Variants in LDB1 observed in about 807,000 individuals in gnomAD.
LDB1 encodes LIM domain binding 1.
A neutral mutation model predicts 49.7 loss-of-function variants in LDB1; 6 were observed. That is an observed-to-expected ratio of 0.12 (90% CI 0.07 to 0.24). LDB1 has a LOEUF of 0.24. LDB1 is among the 10% of genes least tolerant of loss of function. The probability of loss-of-function intolerance (pLI) is 1.00; values close to 1 mark genes in which losing one functional copy is unlikely to be tolerated. For missense variants in LDB1, 341 were observed against 561.7 expected (o/e 0.61, Z 3.97); for synonymous variants, 233 against 202.0 (o/e 1.15, Z -1.30).
chr10:102,110,139 T>C, intron 6 of LDB1, 96 bp from the exon 7 acceptor site: 2 of 1,370,526 alleles, frequency 1.5e-6, no homozygotes, highest in East Asian at 2.4e-5. Flanking sequence ...ACTCTCCCAT[T>C]GCATACACTT....
chr10:102,104,941 G>T (rs2068143742), downstream of LDB1, among the ~76,000 whole-genome samples: 1 of 152,100 alleles, frequency 6.6e-6, no homozygotes, highest in African/African-American at 2.4e-5. Context: ...CCTAGAATGG[G>T]CCTAGTACCT....
chr10:102,119,059 T>C (rs910488794), intron 1 of LDB1, among the ~76,000 whole-genome samples: 5 of 152,302 alleles, frequency 3.3e-5, no homozygotes, highest in African/African-American at 1.2e-4. Flanking sequence ...GCAGCTTCCC[T>C]TGGGGATTTG....
chr10:102,120,145 T>A lies in LDB1; in HGVS notation c.-35A>T. 1.2e-5 allele frequency: 15 copies of A among 1,299,988 alleles called. No individual in the cohort carries two copies. The highest frequency in any genetic ancestry group is 1.5e-5 in the Non-Finnish European group (15 of 1,012,902). The allele number at this position is 1,299,988 out of a possible 1,614,324, so 80.5% of individuals were successfully genotyped here. On this transcript the variant is annotated 5_prime_UTR_variant, in exon 1 of 11. Coordinates refer to ENST00000673968, the MANE Select transcript of LDB1 (RefSeq NM_001113407.3). ...GCCCGCCTCTGGGGGCCCAGCCGAG[T>A]CACGGTGCCCGCCCCTCGCGGGGAC... is the stretch of plus-strand genomic sequence containing the variant.
At chr10:102,104,027 A>T (rs2068136989), downstream of LDB1, among the ~76,000 whole-genome samples, 1 of 151,326 alleles carries the variant, frequency 6.6e-6, no homozygotes, top group Non-Finnish European at 1.5e-5. Flanking sequence ...ATGCCACTAC[A>T]CTCCAGCCTG....
chr10:102,108,057 G>A lies in LDB1; in HGVS notation c.*36C>T, dbSNP rs1300975601. The stretch of plus-strand genomic sequence containing the variant: ...CCCTGGGGCTGTGAGGGGTGGGGCA[G>A]GTAGGCAGAGCACTGGGTGGCCACA... On this transcript the variant is annotated 3_prime_UTR_variant, in exon 11 of 11. Transcript: ENST00000673968. 23 of 1,500,116 alleles carry A rather than the reference G, an allele frequency of 1.5e-5. No individual in the cohort carries two copies. Among genetic ancestry groups the A allele is most frequent in the Middle Eastern group, 1.7e-4 (1 of 5,844 alleles). 92.9% of individuals were successfully genotyped at this position (1,500,116 alleles called of 1,614,324 possible).
In LDB1 at chr10:102,106,980, G is replaced by T. The variant is rs2068171125; in HGVS notation, c.*1113C>A. 6.6e-6 allele frequency among the ~76,000 whole-genome samples: 1 copy of T among 152,126 alleles called. No individual in the cohort carries two copies. Among genetic ancestry groups the T allele is most frequent in the Admixed American group, 6.6e-5 (1 of 15,260 alleles). On this transcript the variant is annotated 3_prime_UTR_variant, in exon 11 of 11. Transcript: ENST00000673968. ...GCTTAGAACTGGGATGTCATCTGTGGCTCCTTCCCCTCTATGAAGGACAGA... is the reference window on the plus strand; with the variant it reads ...GCTTAGAACTGGGATGTCATCTGTGTCTCCTTCCCCTCTATGAAGGACAGA...
chr10:102,110,120 T>C, intron 6 of LDB1, 77 bp from the exon 7 acceptor site: 4 of 1,499,960 alleles, frequency 2.7e-6, no homozygotes, highest in Non-Finnish European at 3.6e-6. Flanking sequence ...AGTCTCCCAT[T>C]TGCTTACAAC....
intron 6 of LDB1, 134 bp from the exon 7 acceptor site, chr10:102,110,177 CATAA>C (rs1417256290): frequency 1.0e-6 from 1 of 989,472 alleles, no homozygotes; most frequent in Non-Finnish European, 1.5e-6. Context: ...AATCTGGGTG[CATAA>C]ATGTCACAGT....
downstream of LDB1, among the ~76,000 whole-genome samples, chr10:102,103,295 T>C (rs575346687): frequency 4.0e-5 from 6 of 151,718 alleles, no homozygotes; most frequent in Admixed American, 3.9e-4. Flanking sequence ...CCAAAATTGT[T>C]GGGAGTACAG....
intron 1 of LDB1, among the ~76,000 whole-genome samples, chr10:102,118,362 A>T (rs118026846): frequency 2.6e-5 from 4 of 152,292 alleles, no homozygotes; most frequent in Non-Finnish European, 5.9e-5. Flanking sequence ...TCCCTCAGTC[A>T]GACCACCAGA....
chr10:102,105,583 T>G (rs368524723), downstream of LDB1, among the ~76,000 whole-genome samples: 37 of 152,042 alleles, frequency 2.4e-4, 1 homozygote, highest in East Asian at 1.4e-3. Flanking sequence ...GGGGTCTCCA[T>G]ATCTTCCCAG....
chr10:102,114,614 G>A, intron 1 of LDB1: 2 of 985,378 alleles, frequency 2.0e-6, no homozygotes, highest in Non-Finnish European at 2.4e-6. Context: ...CGCTGTCCCG[G>A]GGGAAAGTTA....
chr10:102,107,837 GAGGCCC>G lies in LDB1; in HGVS notation c.*250_*255del. 1.8e-6 allele frequency: 1 copy of G among 558,234 alleles called. No individual in the cohort carries two copies. Among genetic ancestry groups the G allele is most frequent in the Non-Finnish European group, 3.2e-6 (1 of 311,466 alleles). 34.6% of individuals were successfully genotyped at this position (558,234 alleles called of 1,614,324 possible). ...TGGGGGGTGGTCAGGACATGTCTCAGAGGCCCAGGTTCCAAGTAGGCATCCACATGA... is the reference window on the plus strand; with the variant it reads ...TGGGGGGTGGTCAGGACATGTCTCAGAGGTTCCAAGTAGGCATCCACATGA... On this transcript the variant is annotated 3_prime_UTR_variant, in exon 11 of 11. Transcript: ENST00000673968.
chr10:102,114,831 G>A lies in LDB1; in HGVS notation c.26-3295C>T. ...CGAGCAGCCCGCCCGCCCTCCCCAG[G>A]CCACCGGGCCCCTCTGCTGGGGGCA... On this transcript the variant is annotated intron_variant, in intron 1 of 10. Coordinates refer to ENST00000673968, the MANE Select transcript of LDB1 (RefSeq NM_001113407.3). 1.5e-5 allele frequency: 4 copies of A among 269,048 alleles called. No individual in the cohort carries two copies. The South Asian group carries it at 4.7e-4, about 31-fold the overall frequency. The allele number at this position is 269,048 out of a possible 1,614,324, so 16.7% of individuals were successfully genotyped here.
At chr10:102,115,833 T>C (rs1050963032) in intron 1 of LDB1, among the ~76,000 whole-genome samples, 2 of 152,126 alleles carry the variant, frequency 1.3e-5, no homozygotes, top group Non-Finnish European at 2.9e-5. Context: ...AATTTTGTTG[T>C]AGCAGGAGGG....
At chr10:102,113,503 C>G (rs1173031241) in intron 1 of LDB1, among the ~76,000 whole-genome samples, 1 of 152,184 alleles carries the variant, frequency 6.6e-6, no homozygotes, top group East Asian at 1.9e-4. Flanking sequence ...ACCCAGCCAC[C>G]AAGTCTCCCC....
downstream of LDB1, among the ~76,000 whole-genome samples, chr10:102,104,128 C>T (rs2068137604): frequency 6.6e-6 from 1 of 151,384 alleles, no homozygotes; most frequent in Non-Finnish European, 1.5e-5. Context: ...GAAGTTGCAC[C>T]AGACTACAGT....
chr10:102,113,774 A>AC (rs1176192641), intron 1 of LDB1, among the ~76,000 whole-genome samples: 2 of 152,066 alleles, frequency 1.3e-5, no homozygotes, highest in Non-Finnish European at 2.9e-5. Flanking sequence ...AAAAAAAAAA[A>AC]AAAACTCTCA....
At chr10:102,110,366 C>G in intron 6 of LDB1, 163 bp downstream of exon 6, 1 of 727,060 alleles carries the variant, frequency 1.4e-6, no homozygotes, top group Non-Finnish European at 2.2e-6. Flanking sequence ...CCCATACAAA[C>G]ACAATACATG....
Sources: gnomAD v4.1 joint callset for allele counts (sites outside exome capture counted in the v4.1 genomes callset) on GRCh38, gnomAD v4.1.1 for gene constraint, MANE v1.5 for transcripts, NCBI Gene and HGNC (gene_info 2026-07-23, HGNC 2026-07-21) for gene names.